Variants in ASTN1 observed in about 807,000 individuals in gnomAD.
The protein encoded by ASTN1 is astrotactin-1.
Under a neutral mutation model 140.7 loss-of-function variants are expected in ASTN1, and 41 were observed. The ratio of observed to expected loss-of-function variants is 0.29; its 90% CI spans 0.23 to 0.38. ASTN1 has a LOEUF of 0.38. ASTN1 is among the 10% of genes least tolerant of loss of function. ASTN1 has a pLI of 1.00. For synonymous variants in ASTN1, 640 were observed against 652.2 expected (o/e 0.98, Z 0.29); for missense variants, 1,479 against 1,678.8 (o/e 0.88, Z 2.08).
At chr1:176,874,091 G>C (rs1668466045) in intron 21 of ASTN1, among the ~76,000 whole-genome samples, 2 of 152,100 alleles carry the variant, frequency 1.3e-5, no homozygotes, top group Non-Finnish European at 2.9e-5. Context: ...CTCACTGCAG[G>C]CTGTACTACC....
At chr1:176,893,846 G>A (rs919044540) in intron 17 of ASTN1, among the ~76,000 whole-genome samples, 3 of 152,196 alleles carry the variant, frequency 2.0e-5, no homozygotes, top group Non-Finnish European at 2.9e-5. Flanking sequence ...CCTTGAGGAC[G>A]TTGGAGAGCT....
intron 1 of ASTN1, among the ~76,000 whole-genome samples, chr1:177,094,521 C>T (rs1571774020): frequency 6.6e-6 from 1 of 152,270 alleles, no homozygotes. Flanking sequence ...AGTGAGAAGC[C>T]ACCATCTTTG....
At chr1:176,932,483 C>T in intron 16 of ASTN1, among the ~76,000 whole-genome samples, 1 of 152,192 alleles carries the variant, frequency 6.6e-6, no homozygotes, top group Non-Finnish European at 1.5e-5. Context: ...GAGGAGAACA[C>T]ATAAACCCTA....
chr1:176,945,582 G>A (rs771230661), intron 13 of ASTN1, among the ~76,000 whole-genome samples: 123 of 152,168 alleles, frequency 8.1e-4, no homozygotes, highest in Non-Finnish European at 1.4e-3. Context: ...ATGACACTGT[G>A]AAGACTGCTG....
At chr1:176,876,229 T>A (rs916267009) in intron 21 of ASTN1, among the ~76,000 whole-genome samples, 1 of 152,314 alleles carries the variant, frequency 6.6e-6, no homozygotes, top group Non-Finnish European at 1.5e-5. Flanking sequence ...AGGGCAGAGA[T>A]CACAGGTACT....
intron 1 of ASTN1, among the ~76,000 whole-genome samples, chr1:177,113,512 A>C (rs2102160818): frequency 6.6e-6 from 1 of 152,288 alleles, no homozygotes; most frequent in East Asian, 1.9e-4. Flanking sequence ...TTCTTCCACT[A>C]CCACCTTGTT....
At chr1:176,984,615 C>A (rs1673798801) in intron 8 of ASTN1, among the ~76,000 whole-genome samples, 1 of 152,130 alleles carries the variant, frequency 6.6e-6, no homozygotes, top group Non-Finnish European at 1.5e-5. Context: ...GCCTCAGTCC[C>A]CACATTTCTT....
At chr1:176,965,579 C>G (rs983480901) in intron 8 of ASTN1, among the ~76,000 whole-genome samples, 1 of 152,206 alleles carries the variant, frequency 6.6e-6, no homozygotes, top group Non-Finnish European at 1.5e-5. Context: ...CTTGGGCTCC[C>G]TTAAGAAGAG....
At chr1:177,052,170 C>T (rs1259665585) in intron 2 of ASTN1, among the ~76,000 whole-genome samples, 4 of 152,118 alleles carry the variant, frequency 2.6e-5, no homozygotes, top group Admixed American at 1.3e-4. Context: ...CTAATTGCCT[C>T]GGTCTTTTCC....
At chr1:176,982,566 C>T (rs1225162390) in intron 8 of ASTN1, among the ~76,000 whole-genome samples, 1 of 152,158 alleles carries the variant, frequency 6.6e-6, no homozygotes, top group Admixed American at 6.5e-5. Context: ...CTTTATCTCA[C>T]CTGATCTAAC....
intron 16 of ASTN1, among the ~76,000 whole-genome samples, chr1:176,918,459 G>A (rs1392638378): frequency 6.6e-6 from 1 of 151,994 alleles, no homozygotes; most frequent in Non-Finnish European, 1.5e-5. Context: ...CTCACCCCCC[G>A]GCAACATGTT....
chr1:176,891,859 C>T (rs1571466252), intron 17 of ASTN1, among the ~76,000 whole-genome samples: 2 of 151,912 alleles, frequency 1.3e-5, no homozygotes, highest in East Asian at 3.9e-4. Context: ...ATAAAAAAAA[C>T]AAAAAGATGT....
chr1:176,895,281 A>C (rs1029471627), intron 16 of ASTN1, among the ~76,000 whole-genome samples: 2 of 152,224 alleles, frequency 1.3e-5, no homozygotes, highest in Non-Finnish European at 2.9e-5. Context: ...CCATCATCAT[A>C]ATAGTTTTAA....
intron 1 of ASTN1, among the ~76,000 whole-genome samples, chr1:177,067,401 C>A (rs1018103319): frequency 1.3e-5 from 2 of 152,154 alleles, no homozygotes; most frequent in African/African-American, 4.8e-5. Context: ...CTAAGAATAA[C>A]AAATGGGTCT....
At chr1:177,050,620 A>G (rs1423218114) in intron 2 of ASTN1, among the ~76,000 whole-genome samples, 1 of 152,182 alleles carries the variant, frequency 6.6e-6, no homozygotes. Context: ...AAGGCTACTG[A>G]CATCTGCCTC....
chr1:177,023,301 C>T (rs1558037710), intron 7 of ASTN1, 103 bp downstream of exon 7: 2 of 1,400,440 alleles, frequency 1.4e-6, no homozygotes, highest in Non-Finnish European at 1.9e-6. Context: ...CTCGAGATGG[C>T]AGTGGGACGG....
intron 16 of ASTN1, among the ~76,000 whole-genome samples, chr1:176,901,589 G>A (rs1669768390): frequency 6.6e-6 from 1 of 152,146 alleles, no homozygotes; most frequent in Admixed American, 6.5e-5. Flanking sequence ...CAGCAAAAAA[G>A]GCAGTGGCTG....
chr1:177,059,796 A>G (rs2102030339), intron 2 of ASTN1, among the ~76,000 whole-genome samples: 1 of 152,348 alleles, frequency 6.6e-6, no homozygotes, highest in South Asian at 2.1e-4. Context: ...AATAGCATGT[A>G]GTGATGGTAC....
intron 19 of ASTN1, among the ~76,000 whole-genome samples, chr1:176,884,013 G>T (rs1390894146): frequency 6.6e-6 from 1 of 152,202 alleles, no homozygotes; most frequent in Non-Finnish European, 1.5e-5. Flanking sequence ...TGTGGGCTAG[G>T]ATAACTAGTG....
Sources: allele counts gnomAD v4.1 joint callset (sites outside exome capture counted in the v4.1 genomes callset), GRCh38; gene constraint gnomAD v4.1.1; transcripts MANE v1.5; gene names NCBI Gene and HGNC (gene_info 2026-07-23, HGNC 2026-07-21).